The following COL14A1 variants were observed in gnomAD, a reference collection of about 807,000 sequenced individuals.
COL14A1 encodes collagen type XIV alpha 1 chain.
In COL14A1, 136 loss-of-function variants were observed where a neutral mutation model predicts 230.3. The ratio of observed to expected loss-of-function variants is 0.59; its 90% CI spans 0.51 to 0.68. The LOEUF is 0.68. Among genes scored for constraint, COL14A1 ranks in the 30% least tolerant of loss-of-function variants. COL14A1 has a pLI of 0.00. For missense variants in COL14A1, 1,976 were observed against 2,215.8 expected (o/e 0.89, Z 2.17); for synonymous variants, 792 against 784.1 (o/e 1.01, Z -0.17).
intron 1 of COL14A1, among the ~76,000 whole-genome samples, chr8:120,144,634 A>G (rs991130378): frequency 3.9e-5 from 6 of 152,198 alleles, no homozygotes; most frequent in African/African-American, 1.2e-4. Context: ...TTGTTTTTAA[A>G]CTACTAACCT....
intron 23 of COL14A1, among the ~76,000 whole-genome samples, chr8:120,258,906 C>T (rs148923234): frequency 6.6e-6 from 1 of 152,270 alleles, no homozygotes; most frequent in African/African-American, 2.4e-5. Context: ...CAAATTCATG[C>T]ATTTATTAAT....
chr8:120,355,133 C>G (rs1822931880), intron 45 of COL14A1, among the ~76,000 whole-genome samples: 1 of 152,176 alleles, frequency 6.6e-6, no homozygotes, highest in Admixed American at 6.5e-5. Flanking sequence ...AATTGCTTTT[C>G]TGACGTCAAC....
chr8:120,243,945 G>C lies in COL14A1; in HGVS notation c.2416G>C (p.Val806Leu). 6.2e-7 allele frequency: 1 copy of C among 1,613,718 alleles called. No individual in the cohort carries two copies. The highest frequency in any genetic ancestry group is 1.1e-5 in the South Asian group (1 of 91,056). The change falls in exon 20 of 48, where the codon GTC (valine) becomes CTC (leucine). Residue 806 changes from valine (V) to leucine (L), a missense_variant. Coordinates refer to ENST00000297848, the MANE Select transcript of COL14A1 (RefSeq NM_021110.4). The stretch of plus-strand genomic sequence containing the variant: ...TCTGCTTCCTGATACTGAATACAAA[G>C]TCACAGTGACTCCCATCTACACGGA... ...KPLLPDTEYK[V>L]TVTPIYTDGE...
At chr8:120,133,013 C>T (rs74677971) in intron 1 of COL14A1, among the ~76,000 whole-genome samples, 6,549 of 151,998 alleles carry the variant, frequency 0.043, 300 homozygotes, top group South Asian at 0.14. Flanking sequence ...GTCAGGAGAT[C>T]GAGACCATCC....
rs185908655 is a variant in COL14A1, at chr8:120,272,401, A to G, written c.3213+2227A>G. 1.3e-4 allele frequency among the ~76,000 whole-genome samples: 19 copies of G among 151,850 alleles called. No individual in the cohort carries two copies. In the East Asian group the frequency reaches 3.7e-3, roughly 29 times the overall value. On this transcript the variant is annotated intron_variant, in intron 26 of 47. Coordinates refer to ENST00000297848, the MANE Select transcript of COL14A1 (RefSeq NM_021110.4). ...AATAACACAATGAAGAAAACAAAGT[A>G]CTTAGGTAACAACATGGTGACTGGA...
intron 21 of COL14A1, 66 bp from the exon 22 acceptor site, chr8:120,250,551 G>T: frequency 6.5e-7 from 1 of 1,538,210 alleles, no homozygotes; most frequent in South Asian, 1.1e-5. Context: ...AATACAATTT[G>T]ATCTAAGAGT....
In COL14A1 at chr8:120,147,866, G is replaced by A. The variant is rs761454845; in HGVS notation, c.24G>A (p.Met8Ile). Reference protein sequence around the residue: MKIFQRKMRYWLLPPFLA... With the variant: MKIFQRKIRYWLLPPFLA... ...AAATGAAGATTTTCCAGCGCAAGAT[G>A]CGGTACTGGTTGCTTCCACCTTTTT... The change falls in exon 2 of 48, where the codon ATG becomes ATA. Residue 8 changes from methionine (M) to isoleucine (I), a missense_variant. Transcript: ENST00000297848. The A allele has an allele frequency of 6.2e-7, 1 of 1,613,914 alleles. No homozygotes were observed. Among genetic ancestry groups the A allele is most frequent in the Non-Finnish European group, 8.5e-7 (1 of 1,179,924 alleles).
chr8:120,294,259 G>T (rs1435304554), intron 34 of COL14A1, among the ~76,000 whole-genome samples: 1 of 151,732 alleles, frequency 6.6e-6, no homozygotes, highest in Non-Finnish European at 1.5e-5. Context: ...CAACTGCTAA[G>T]AAATATTTTA....
At chr8:120,157,931 G>T (rs2130520459) in intron 2 of COL14A1, among the ~76,000 whole-genome samples, 199 bp from the exon 3 acceptor site, 1 of 152,328 alleles carries the variant, frequency 6.6e-6, no homozygotes, top group Middle Eastern at 3.4e-3. Context: ...GTTGTAGTGA[G>T]CTGAGATCGT....
chr8:120,174,879 G>C (rs1816223532), intron 5 of COL14A1, among the ~76,000 whole-genome samples: 1 of 152,110 alleles, frequency 6.6e-6, no homozygotes, highest in Non-Finnish European at 1.5e-5. Flanking sequence ...GCATGCACTA[G>C]TGTGGCCCAC....
rs1563717698 is a variant in COL14A1, at chr8:120,285,943, GA to G, written c.4054del (p.Ile1352PhefsTer32). 1 of 1,602,790 alleles carries G rather than the reference GA, an allele frequency of 6.2e-7. No individual in the cohort carries two copies. Among genetic ancestry groups the G allele is most frequent in the South Asian group, 1.1e-5 (1 of 90,722 alleles). On this transcript the variant is annotated frameshift_variant, in exon 33 of 48. Transcript: ENST00000297848. LOFTEE classifies it high-confidence loss of function. ...TVTFEGPEIR[K>X]IFYGSFHKLH... is the part of the protein sequence containing the mutation. Reference sequence around the variant, plus strand: ...TTACTTTCGAAGGACCTGAAATTAGGAAAATTTTTTATGGAAGCTTTCACAA... The same window carrying G: ...TTACTTTCGAAGGACCTGAAATTAGGAAATTTTTTATGGAAGCTTTCACAA...
chr8:120,182,455 C>T (rs1472868733), intron 5 of COL14A1, among the ~76,000 whole-genome samples: 3 of 152,062 alleles, frequency 2.0e-5, no homozygotes, highest in African/African-American at 4.8e-5. Flanking sequence ...ATTGGAGTAA[C>T]CGGGATAATT....
At chr8:120,192,428 T>C (rs1249399087) in intron 5 of COL14A1, among the ~76,000 whole-genome samples, 2 of 152,366 alleles carry the variant, frequency 1.3e-5, no homozygotes, top group South Asian at 2.1e-4. Context: ...GTTAGTCTGA[T>C]GGGCTTCCCT....
intron 22 of COL14A1, among the ~76,000 whole-genome samples, chr8:120,252,294 G>A (rs901884768): frequency 6.6e-5 from 10 of 152,086 alleles, no homozygotes; most frequent in African/African-American, 2.4e-4. Context: ...CGTCACTGGA[G>A]CACTGTATAC....
chr8:120,294,251 A>G (rs892462322), intron 34 of COL14A1, among the ~76,000 whole-genome samples: 2 of 151,844 alleles, frequency 1.3e-5, no homozygotes, highest in Non-Finnish European at 3.0e-5. Flanking sequence ...AAATGACTCA[A>G]CTGCTAAGAA....
chr8:120,160,938 A>G (rs111533267), intron 3 of COL14A1, among the ~76,000 whole-genome samples: 3,823 of 152,248 alleles, frequency 0.025, 56 homozygotes, highest in African/African-American at 0.039. Flanking sequence ...TAATAAAATA[A>G]TACACTCCAT....
At chr8:120,337,485 A>G (rs1466462375) in intron 42 of COL14A1, among the ~76,000 whole-genome samples, 1 of 152,118 alleles carries the variant, frequency 6.6e-6, no homozygotes, top group Non-Finnish European at 1.5e-5. Context: ...TCAGAGGCAT[A>G]TTAGAAGAAT....
At chr8:120,268,910 G>A (rs1819577135) in intron 25 of COL14A1, among the ~76,000 whole-genome samples, 1 of 151,572 alleles carries the variant, frequency 6.6e-6, no homozygotes, top group South Asian at 2.1e-4. Flanking sequence ...CTCATAATTA[G>A]CAGATCTTGT....
At position 120,199,544 on chromosome 8, in the gene COL14A1, T is replaced by C; in HGVS notation, c.855T>C (p.Ser285=). 6.2e-7 allele frequency: 1 copy of C among 1,612,920 alleles called. No individual in the cohort carries two copies. The highest frequency in any genetic ancestry group is 8.5e-7 in the Non-Finnish European group (1 of 1,179,550). ...IIPPSRNLRE[S]GVELFAIGVK... ...CACCATCTAGAAATCTTCGTGAGTC[T>C]GGTGTAGAACTGTTTGCCATAGGTA... is the stretch of plus-strand genomic sequence containing the variant. Residue 285 remains serine, a synonymous_variant, in exon 8 of 48, where the codon TCT becomes TCC. Transcript: ENST00000297848.
Sources: allele counts gnomAD v4.1 joint callset (sites outside exome capture counted in the v4.1 genomes callset), GRCh38; gene constraint gnomAD v4.1.1; transcripts MANE v1.5; gene names NCBI Gene and HGNC (gene_info 2026-07-23, HGNC 2026-07-21).